Variants in SPTBN5 observed in about 807,000 individuals in gnomAD.
The protein encoded by SPTBN5 is spectrin beta, non-erythrocytic 5.
SPTBN5 carries 513 observed loss-of-function variants against 477.6 expected under a neutral mutation model. That is an observed-to-expected ratio of 1.07 (90% confidence interval 1.00 to 1.16). The LOEUF (loss-of-function observed/expected upper bound fraction) is 1.16. Ranked by LOEUF, SPTBN5 falls within the 50% of genes most tolerant of loss-of-function variation. The pLI is 0.00. For missense variants in SPTBN5, 5,062 were observed against 4,731.8 expected (o/e 1.07, Z -2.05); for synonymous variants, 2,169 against 2,011.7 (o/e 1.08, Z -2.09).
rs561177502 is a variant in SPTBN5 at position 41,880,359 on chromosome 15, C to T, written c.2659-47G>A. 1.4e-5 allele frequency: 21 copies of T among 1,536,892 alleles called. No individual in the cohort carries two copies. The South Asian group carries it at 2.0e-4, about 15-fold the overall frequency. ...CTGGGGTGAGGGTCAGGGCCCCCGA[C>T]AGGGCTCTCAGAGCGGGTCAAAGGG... On this transcript the variant is annotated intron_variant, in intron 13 of 67. Coordinates refer to ENST00000320955, the MANE Select transcript of SPTBN5 (RefSeq NM_016642.4).
Position 41,850,693 on chromosome 15 carries a change from C to T in SPTBN5, c.10921+161G>A, listed in dbSNP as rs2065723042. The T allele has an allele frequency of 4.4e-6, 3 of 677,620 alleles. No individual in the cohort carries two copies. In the South Asian group the frequency reaches 5.9e-5, roughly 13 times the overall value. The allele number at this position is 677,620 out of a possible 1,614,324, so 42.0% of individuals were successfully genotyped here. A position where few individuals can be genotyped will look rare whatever the true frequency, so the allele number is the denominator to read the frequency against. Reference sequence around the variant, plus strand: ...ATCTTGGGCAAGTTGCGTAACCTCTCCAGGACCTAAATTCTTTGAGGAAAA... The same window carrying T: ...ATCTTGGGCAAGTTGCGTAACCTCTTCAGGACCTAAATTCTTTGAGGAAAA... On this transcript the variant is annotated intron_variant, in intron 66 of 67. Coordinates refer to ENST00000320955, the MANE Select transcript of SPTBN5 (RefSeq NM_016642.4).
chr15:41,853,050 A>C (rs751803384), intron 59 of SPTBN5, 50 bp from the exon 60 acceptor site: 119 of 1,467,852 alleles, frequency 8.1e-5, no homozygotes, highest in Non-Finnish European at 9.9e-5. Context: ...GGCTCCCACC[A>C]TGGGCAGGGC....
In SPTBN5 at chr15:41,850,850, C is replaced by T. The variant is rs570661815; in HGVS notation, c.10921+4G>A. 1 of 1,591,316 alleles carries T rather than the reference C, an allele frequency of 6.3e-7. No individual in the cohort carries two copies. The highest frequency in any genetic ancestry group is 8.5e-7 in the Non-Finnish European group (1 of 1,169,962). ...CCTCCCCGCATCCTTCCCCTGAAGC[C>T]CACCTGCAGTGCTGCCCAGGGCTCG... On this transcript the variant is annotated splice_donor_region_variant and intron_variant, in intron 66 of 67. Transcript: ENST00000320955.
intron 51 of SPTBN5, 82 bp from the exon 52 acceptor site, chr15:41,857,121 G>A (rs565217962): frequency 6.6e-7 from 1 of 1,518,692 alleles, no homozygotes; most frequent in South Asian, 1.3e-5. Flanking sequence ...AGATCACCCA[G>A]CTGTGGCCCT....
chr15:41,851,051 C>T lies in SPTBN5; in HGVS notation c.10835+8G>A, dbSNP rs1316239465. On this transcript the variant is annotated splice_region_variant and intron_variant, in intron 65 of 67. Transcript: ENST00000320955. ...GGGTGATGCCGGAGTCCATGTCTCT[C>T]CGCTCACCTTAAGGAGAATGTGTGT... is the stretch of plus-strand genomic sequence containing the variant. The T allele has an allele frequency of 6.2e-7, 1 of 1,609,976 alleles. No individual in the cohort carries two copies. The highest frequency in any genetic ancestry group is 1.1e-5 in the South Asian group (1 of 90,314).
At chr15:41,850,678 A>G in intron 66 of SPTBN5, 176 bp downstream of exon 66, 2 of 617,104 alleles carry the variant, frequency 3.2e-6, no homozygotes, top group South Asian at 4.2e-5. Flanking sequence ...ATCTTGGGCA[A>G]GTTGCGTAAC....
chr15:41,874,074 G>T, intron 24 of SPTBN5, 29 bp from the exon 25 acceptor site: 1 of 1,564,722 alleles, frequency 6.4e-7, no homozygotes, highest in Non-Finnish European at 8.6e-7. Flanking sequence ...AGAGGCTGCT[G>T]CTCTTAACCC....
chr15:41,850,101 T>G (rs1190461128), intron 66 of SPTBN5, 142 bp from the exon 67 acceptor site: 1 of 712,910 alleles, frequency 1.4e-6, no homozygotes, highest in Non-Finnish European at 2.4e-6. Context: ...CACGTGGGGG[T>G]GTGGGGCGGG....
intron 1 of SPTBN5, 141 bp downstream of exon 1, chr15:41,893,758 C>A (rs779117743): frequency 1.0e-5 from 6 of 590,262 alleles, no homozygotes; most frequent in Non-Finnish European, 1.8e-5. Context: ...CTTCTCAGAG[C>A]CCCTGCTGCC....
chr15:41,858,844 G>A (rs368468490), intron 48 of SPTBN5, 46 bp downstream of exon 48: 17 of 1,546,062 alleles, frequency 1.1e-5, no homozygotes, highest in Middle Eastern at 1.7e-4. Flanking sequence ...TCCCTGGGTC[G>A]ACTCCTTCCC....
chr15:41,854,104 T>C lies in SPTBN5; in HGVS notation c.9720A>G (p.Gly3240=). The change falls in exon 57 of 68, where the codon GGA becomes GGG. Residue 3240 remains glycine, a synonymous_variant. Coordinates refer to ENST00000320955, the MANE Select transcript of SPTBN5 (RefSeq NM_016642.4). ...TCCGCACAGATGACAGGCTGTGGCC[T>C]CCGTCCTCCCCCTTCATCAGGGCCG... ...EKTALMKGED[G]GHSLSSVRTL... is the part of the protein sequence containing the mutation. The C allele has an allele frequency of 6.3e-7, 1 of 1,585,100 alleles. No homozygotes were observed. The highest frequency in any genetic ancestry group is 8.6e-7 in the Non-Finnish European group (1 of 1,166,796).
At position 41,873,957 on chromosome 15, in the gene SPTBN5, TG is replaced by T. The variant is rs767702724; in HGVS notation, c.4777del (p.Gln1593LysfsTer57). ...GRSLAASGHP[Q>X]AQHIVEQCQE... ...GCACTGCTCCACGATGTGTTGGGCT[TG>T]GGGGTGCCCTGAGGCTGCCAGGCTC... is the stretch of plus-strand genomic sequence containing the variant. On this transcript the variant is annotated frameshift_variant, in exon 25 of 68. Coordinates refer to ENST00000320955, the MANE Select transcript of SPTBN5 (RefSeq NM_016642.4). LOFTEE classifies it high-confidence loss of function. 1.2e-6 allele frequency: 2 copies of T among 1,608,938 alleles called. No homozygotes were observed. The highest frequency in any genetic ancestry group is 2.2e-5 in the South Asian group (2 of 91,080).
At position 41,888,217 on chromosome 15, in the gene SPTBN5, C is replaced by T; in HGVS notation, c.502-132G>A. On this transcript the variant is annotated intron_variant, in intron 4 of 67. Coordinates refer to ENST00000320955, the MANE Select transcript of SPTBN5 (RefSeq NM_016642.4). ...CCTGGCCCGGGGCCAGTGTGACTCT[C>T]CTCTCTTCAGAGTATCTGATTTTGC... 3 of 868,188 alleles carry T rather than the reference C, an allele frequency of 3.5e-6. No individual in the cohort carries two copies. In the South Asian group the frequency reaches 5.3e-5, roughly 15 times the overall value. The allele number at this position is 868,188 out of a possible 1,614,324, so 53.8% of individuals were successfully genotyped here.
chr15:41,880,389 T>G (rs984771803), intron 13 of SPTBN5, 77 bp from the exon 14 acceptor site: 2 of 1,432,596 alleles, frequency 1.4e-6, no homozygotes, highest in African/African-American at 2.9e-5. Context: ...AAAGGGGTGC[T>G]CCTCCCCATC....
rs772935944 is a variant in SPTBN5 at position 41,879,912 on chromosome 15, C to G, written c.2812-48G>C. 4.3e-5 allele frequency: 69 copies of G among 1,610,104 alleles called. 1 individual carries two copies. The Middle Eastern group carries it at 1.5e-3, about 35-fold the overall frequency. On this transcript the variant is annotated intron_variant, in intron 14 of 67. Transcript: ENST00000320955. ...CCTCTTGGGGGACTTTTTCTCTTTCCACACTCCCCTCTAGCCTATGACGGA... is the reference window on the plus strand; with the variant it reads ...CCTCTTGGGGGACTTTTTCTCTTTCGACACTCCCCTCTAGCCTATGACGGA...
Position 41,892,996 on chromosome 15 carries a change from C to T in SPTBN5, c.282G>A (p.Leu94=). The change falls in exon 3 of 68, where the codon CTG becomes CTA. Residue 94 remains leucine, a synonymous_variant. Coordinates refer to ENST00000320955, the MANE Select transcript of SPTBN5 (RefSeq NM_016642.4). The stretch of plus-strand genomic sequence containing the variant: ...GCAGGGCCTCCCCTGAGATGAGCTC[C>T]AGCAGCCGCAGGAGGTGGATGCCGT... ...LADGIHLLRL[L]ELISGEALPP... 1 of 1,610,180 alleles carries T rather than the reference C, an allele frequency of 6.2e-7. No individual in the cohort carries two copies. Among genetic ancestry groups the T allele is most frequent in the Non-Finnish European group, 8.5e-7 (1 of 1,179,736 alleles).
In SPTBN5 at chr15:41,883,127, G is replaced by T; in HGVS notation, c.1761C>A (p.Ala587=). ...LLEAQVSAHG[A]HVSHLAQQTA... ...TCTGCTGAGCAAGATGGCTCACATG[G>T]GCTCCGTGGGCCGAGACTTGAGCCT... The change falls in exon 9 of 68, where the codon GCC becomes GCA. Residue 587 remains alanine, a synonymous_variant. Coordinates refer to ENST00000320955, the MANE Select transcript of SPTBN5 (RefSeq NM_016642.4). 6.2e-7 allele frequency: 1 copy of T among 1,612,480 alleles called. No homozygotes were observed. The highest frequency in any genetic ancestry group is 1.3e-5 in the African/African-American group (1 of 75,064).
rs1180142974 is a variant in SPTBN5 at position 41,882,711 on chromosome 15, C to G, written c.1920G>C (p.Gln640His). 1 of 1,609,990 alleles carries G rather than the reference C, an allele frequency of 6.2e-7. No homozygotes were observed. Among genetic ancestry groups the G allele is most frequent in the Non-Finnish European group, 8.5e-7 (1 of 1,178,532 alleles). ...ARRALLEQTL[Q>H]RAEFLRNCEE... ...CACAGTTGCGCAGGAACTCTGCCCG[C>G]TGCAGGGTCTGCTCCAGCAGGGCCC... Residue 640 changes from glutamine to histidine, a missense_variant, in exon 10 of 68, where the codon CAG becomes CAC. By Grantham distance (24) the Gln-to-His change is conservative (BLOSUM62 0). Transcript: ENST00000320955.
rs1475439510 is a variant in SPTBN5 at position 41,887,409 on chromosome 15, G to A, written c.692C>T (p.Pro231Leu). 1 of 1,553,464 alleles carries A rather than the reference G, an allele frequency of 6.4e-7. No individual in the cohort carries two copies. Among genetic ancestry groups the A allele is most frequent in the Non-Finnish European group, 8.7e-7 (1 of 1,148,536 alleles). ...PDLLDYGSLR[P>L]DRPLHNLAFA... is the part of the protein sequence containing the mutation. ...AGCAAGGTTGTGCAGTGGGCGGTCT[G>A]GACGCAGGGAGCCGTAGTCCAACAG... is the stretch of plus-strand genomic sequence containing the variant. Residue 231 changes from proline (P) to leucine (L), a missense_variant, in exon 6 of 68, where the codon CCA (proline) becomes CTA (leucine). Physicochemically the swap from Pro to Leu is moderately conservative, Grantham distance 98 (BLOSUM62 -3). Coordinates refer to ENST00000320955, the MANE Select transcript of SPTBN5 (RefSeq NM_016642.4).
Sources: allele counts gnomAD v4.1 joint callset, GRCh38; gene constraint gnomAD v4.1.1; transcripts MANE v1.5; gene names NCBI Gene and HGNC (gene_info 2026-07-23, HGNC 2026-07-21).